The following HRK variants were observed in gnomAD, a reference collection of about 807,000 sequenced individuals.
HRK encodes harakiri, BCL2 interacting protein.
In HRK, 6 loss-of-function variants were observed where a neutral mutation model predicts 5.9. The observed-to-expected ratio is 1.02, with a 90% CI of 0.56 to 2.01. HRK has a LOEUF of 2.01. Among genes scored for constraint, HRK ranks in the 30% most tolerant of loss-of-function variants. HRK has a pLI of 0.00. For synonymous variants in HRK, 85 were observed against 65.1 expected (o/e 1.31, Z -1.47); for missense variants, 133 against 128.3 (o/e 1.04, Z -0.18).
chr12:116,867,965 G>A (rs1424271129), intron 1 of HRK, among the ~76,000 whole-genome samples: 1 of 152,146 alleles, frequency 6.6e-6, no homozygotes, highest in African/African-American at 2.4e-5. Flanking sequence ...GTACCCAGGA[G>A]GGGCTGGGGA....
rs1593000535 is a variant in HRK, at chr12:116,856,579, A to G, written c.*4944T>C. 1 of 152,172 alleles carries G rather than the reference A, an allele frequency of 6.6e-6. No homozygotes were observed. The highest frequency in any genetic ancestry group is 1.5e-5 in the Non-Finnish European group (1 of 68,010). The allele number at this position is 152,172 out of a possible 1,614,324, so 9.4% of individuals were successfully genotyped here. On this transcript the variant is annotated 3_prime_UTR_variant, in exon 2 of 2. Coordinates refer to ENST00000257572, the MANE Select transcript of HRK (RefSeq NM_003806.4). The surrounding 1 kb of genome is among the most constrained non-coding windows in gnomAD (Gnocchi z 4.4). The stretch of plus-strand genomic sequence containing the variant: ...GTATATAAAATCCACAACGAAACCA[A>G]CCAGCCTGTCCTTGAGTGTCCCCAA...
At chr12:116,874,928 G>A (rs967849437) in intron 1 of HRK, among the ~76,000 whole-genome samples, 7 of 152,104 alleles carry the variant, frequency 4.6e-5, no homozygotes, top group African/African-American at 1.7e-4. Context: ...CCCCCACTAT[G>A]CCCTGACCAA....
intron 1 of HRK, among the ~76,000 whole-genome samples, chr12:116,864,827 A>G (rs1354139478): frequency 6.6e-6 from 1 of 152,136 alleles, no homozygotes; most frequent in African/African-American, 2.4e-5. Flanking sequence ...AGCAGTAGTA[A>G]TCGTGCAATT....
intron 1 of HRK, among the ~76,000 whole-genome samples, chr12:116,868,154 C>G (rs1271689341): frequency 6.6e-6 from 1 of 150,596 alleles, no homozygotes; most frequent in African/African-American, 2.4e-5. Flanking sequence ...TGGGATCTCA[C>G]TTTGTTGCCC....
rs555027852 is a variant in HRK, at chr12:116,867,368, T to C, written c.*57-5902A>G. On this transcript the variant is annotated intron_variant, in intron 1 of 1. Transcript: ENST00000257572. Reference sequence around the variant, plus strand: ...TATGTTGGCCAGGCTGGTCTCGAACTCCTGACCTCAGGTGATCCACCTGCC... The same window carrying C: ...TATGTTGGCCAGGCTGGTCTCGAACCCCTGACCTCAGGTGATCCACCTGCC... Among the ~76,000 whole-genome samples, 57 of 151,900 alleles carry C rather than the reference T, an allele frequency of 3.8e-4. 1 individual carries two copies. In the East Asian group the frequency reaches 0.011, roughly 30 times the overall value.
intron 1 of HRK, among the ~76,000 whole-genome samples, chr12:116,872,045 G>A (rs1878772104): frequency 6.6e-6 from 1 of 152,026 alleles, no homozygotes; most frequent in African/African-American, 2.4e-5. Flanking sequence ...GATGGATGGG[G>A]AATGTAAATG....
intron 1 of HRK, among the ~76,000 whole-genome samples, chr12:116,880,132 TC>T (rs61184634): frequency 0.025 from 3,784 of 152,182 alleles, 157 homozygotes; most frequent in African/African-American, 0.086. Context: ...AGTACCCACT[TC>T]CTGTCCTAAG....
intron 1 of HRK, among the ~76,000 whole-genome samples, chr12:116,877,083 CTT>C (rs1198535340): frequency 2.0e-5 from 3 of 152,218 alleles, no homozygotes; most frequent in African/African-American, 4.8e-5. Flanking sequence ...AAGAGTCTCA[CTT>C]TGTCGCCTAG....
intron 1 of HRK, among the ~76,000 whole-genome samples, chr12:116,877,217 ATTT>A (rs377267721): frequency 3.8e-3 from 546 of 143,228 alleles, no homozygotes; most frequent in Admixed American, 3.6e-3. Context: ...TGCCCAGCTA[ATTT>A]TTTTTTTTTT....
At chr12:116,876,366 G>A (rs1452422581) in intron 1 of HRK, among the ~76,000 whole-genome samples, 1 of 152,214 alleles carries the variant, frequency 6.6e-6, no homozygotes, top group African/African-American at 2.4e-5. Context: ...GAGGCCTGCG[G>A]GATGCGCCTC....
At chr12:116,865,097 G>A (rs1172781169) in intron 1 of HRK, among the ~76,000 whole-genome samples, 1 of 152,196 alleles carries the variant, frequency 6.6e-6, no homozygotes, top group Non-Finnish European at 1.5e-5. Flanking sequence ...CTGCAGTGAT[G>A]TTGTGCCGCT....
In HRK at chr12:116,859,304, C is replaced by T. The variant is rs1283177013; in HGVS notation, c.*2219G>A. 6.6e-6 allele frequency: 1 copy of T among 152,136 alleles called. No individual in the cohort carries two copies. Among genetic ancestry groups the T allele is most frequent in the African/African-American group, 2.4e-5 (1 of 41,414 alleles). 9.4% of individuals were successfully genotyped at this position (152,136 alleles called of 1,614,324 possible). A position where few individuals can be genotyped will look rare whatever the true frequency, so the allele number is the denominator to read the frequency against. The stretch of plus-strand genomic sequence containing the variant: ...ATCTTCTCCTGTGTCTACAGGTGGT[C>T]AGCATGCCCCCACTACGATCTTGAA... On this transcript the variant is annotated 3_prime_UTR_variant, in exon 2 of 2. Transcript: ENST00000257572.
intron 1 of HRK, among the ~76,000 whole-genome samples, chr12:116,880,243 C>T (rs1278755861): frequency 6.6e-6 from 1 of 152,194 alleles, no homozygotes; most frequent in African/African-American, 2.4e-5. Flanking sequence ...CCTGAAAGCC[C>T]CCTATTCCAG....
rs2137239200 is a variant in HRK at position 116,857,610 on chromosome 12, AGT to A, written c.*3911_*3912del. On this transcript the variant is annotated 3_prime_UTR_variant, in exon 2 of 2. Coordinates refer to ENST00000257572, the MANE Select transcript of HRK (RefSeq NM_003806.4). ...CTCCTCTAATGCCCCAGGGAGGGAG[AGT>A]GATATTTTATCACTGTCAGAAACAT... The A allele has an allele frequency of 6.6e-6, 1 of 152,302 alleles. No individual in the cohort carries two copies. Among genetic ancestry groups the A allele is most frequent in the African/African-American group, 2.4e-5 (1 of 41,568 alleles). 9.4% of individuals were successfully genotyped at this position (152,302 alleles called of 1,614,324 possible). A position where few individuals can be genotyped will look rare whatever the true frequency, so the allele number is the denominator to read the frequency against.
rs1259586847 is a variant in HRK, at chr12:116,878,907, A to G, written c.*56+2069T>C. Among the ~76,000 whole-genome samples the G allele has an allele frequency of 1.3e-5, 2 of 152,054 alleles. No individual in the cohort carries two copies. Among genetic ancestry groups the G allele is most frequent in the South Asian group, 2.1e-4 (1 of 4,816 alleles). ...GACAATAACCTGCTGCTGCCCCCCA[A>G]CACCGACTCAAAACAGCGAAACTCC... On this transcript the variant is annotated intron_variant, in intron 1 of 1. Coordinates refer to ENST00000257572, the MANE Select transcript of HRK (RefSeq NM_003806.4). This position sits in a 1 kb window ranked among gnomAD's most constrained non-coding sequence, Gnocchi z 4.4.
rs529755580 is a variant in HRK at position 116,879,831 on chromosome 12, G to A, written c.*56+1145C>T. ...GCTCCAACTTCCCAGGGTGTCTGCG[G>A]CGCGCGGCGGGGCTCGGGGGCGGGG... On this transcript the variant is annotated intron_variant, in intron 1 of 1. Coordinates refer to ENST00000257572, the MANE Select transcript of HRK (RefSeq NM_003806.4). The surrounding 1 kb of genome is among the most constrained non-coding windows in gnomAD (Gnocchi z 5.6). 6.6e-6 allele frequency among the ~76,000 whole-genome samples: 1 copy of A among 152,328 alleles called. No individual in the cohort carries two copies. The highest frequency in any genetic ancestry group is 2.1e-4 in the South Asian group (1 of 4,826).
rs915423499 is a variant in HRK, at chr12:116,862,733, T to A, written c.*57-1267A>T. ...TTTTGTTTGTTTGTTTGTTTGTTTG[T>A]TTGTTTGTTTGTTTTTGAGACAAGG... On this transcript the variant is annotated intron_variant, in intron 1 of 1. Transcript: ENST00000257572. This position sits in a 1 kb window ranked among gnomAD's most constrained non-coding sequence, Gnocchi z 4.0. 2.2e-4 allele frequency among the ~76,000 whole-genome samples: 33 copies of A among 151,752 alleles called. No homozygotes were observed. The highest frequency in any genetic ancestry group is 3.9e-4 in the Admixed American group (6 of 15,206).
At chr12:116,877,664 C>G (rs771492068) in intron 1 of HRK, among the ~76,000 whole-genome samples, 3 of 152,180 alleles carry the variant, frequency 2.0e-5, no homozygotes, top group Non-Finnish European at 2.9e-5. Context: ...CATGTATATC[C>G]ACTGTTCTAG....
chr12:116,873,352 A>AT (rs1471848676), intron 1 of HRK, among the ~76,000 whole-genome samples: 1 of 151,836 alleles, frequency 6.6e-6, no homozygotes, highest in Non-Finnish European at 1.5e-5. Flanking sequence ...AACTTGTCAT[A>AT]TTTTTTGTCA....
Sources: allele counts gnomAD v4.1 joint callset (sites outside exome capture counted in the v4.1 genomes callset), GRCh38; gene constraint gnomAD v4.1.1; non-coding constraint Gnocchi (gnomAD v3.1); transcripts MANE v1.5; gene names NCBI Gene and HGNC (gene_info 2026-07-23, HGNC 2026-07-21).